The following VSIG10 variants were observed in gnomAD, a reference collection of about 807,000 sequenced individuals.
VSIG10 encodes the protein V-set and immunoglobulin domain-containing protein 10.
In VSIG10, 48 loss-of-function variants were observed where a neutral mutation model predicts 58.7. The ratio of observed to expected loss-of-function variants is 0.82; its 90% CI spans 0.65 to 1.04. The LOEUF is 1.04. Among genes scored for constraint, VSIG10 ranks in the 50% least tolerant of loss-of-function variants. The pLI is 0.00. For synonymous variants in VSIG10, 260 were observed against 267.1 expected, an observed-to-expected ratio of 0.97 and a Z score of 0.26; for missense variants, 628 against 670.0, an observed-to-expected ratio of 0.94 and a Z score of 0.69.
intron 4 of VSIG10, among the ~76,000 whole-genome samples, chr12:118,075,567 G>A (rs141642336): frequency 1.2e-3 from 186 of 152,096 alleles, no homozygotes; most frequent in African/African-American, 4.3e-3. Flanking sequence ...TGTTGGTCAG[G>A]CTGGTCTTGA....
chr12:118,070,219 G>C (rs143002507), intron 7 of VSIG10, among the ~76,000 whole-genome samples: 1 of 152,092 alleles, frequency 6.6e-6, no homozygotes, highest in South Asian at 2.1e-4. Flanking sequence ...CTTTTGGGAG[G>C]GGGTTCTGGG....
At chr12:118,081,607 A>G (rs979871233) in intron 3 of VSIG10, among the ~76,000 whole-genome samples, 4 of 152,178 alleles carry the variant, frequency 2.6e-5, no homozygotes, top group African/African-American at 9.6e-5. Flanking sequence ...ACCCCTGCAT[A>G]GCAGCAAGCT....
rs1439796142 is a variant in VSIG10, at chr12:118,065,666, C to CA, written c.*972dup. ...AGCAGATACGCAACTTTAAAGAGTA[C>CA]AAATTCAAGTCAGATTTTCATATTT... is the stretch of plus-strand genomic sequence containing the variant. On this transcript the variant is annotated 3_prime_UTR_variant, in exon 9 of 9. Transcript: ENST00000359236. 1 of 152,192 alleles carries CA rather than the reference C, an allele frequency of 6.6e-6. No homozygotes were observed. Among genetic ancestry groups the CA allele is most frequent in the East Asian group, 1.9e-4 (1 of 5,200 alleles). 9.4% of individuals were successfully genotyped at this position (152,192 alleles called of 1,614,324 possible). A position where few individuals can be genotyped will look rare whatever the true frequency, so the allele number is the denominator to read the frequency against.
At chr12:118,092,996 AT>A (rs1326154415) in intron 2 of VSIG10, among the ~76,000 whole-genome samples, 6 of 152,142 alleles carry the variant, frequency 3.9e-5, no homozygotes, top group African/African-American at 1.4e-4. Context: ...AATATAAAAA[AT>A]ATTCATAATT....
Position 118,095,558 on chromosome 12 carries a change from C to G in VSIG10, c.336G>C (p.Trp112Cys), listed in dbSNP as rs1222234467. The G allele has an allele frequency of 6.2e-7, 1 of 1,613,980 alleles. No individual in the cohort carries two copies. Among genetic ancestry groups the G allele is most frequent in the East Asian group, 2.2e-5 (1 of 44,884 alleles). The change falls in exon 2 of 9, where the codon TGG becomes TGC. Residue 112 changes from tryptophan to cysteine, a missense_variant. Transcript: ENST00000359236. ...TGGCCACCTGCAGCCACACTTGGAA[C>G]CACTGAGTCACATTCAGGATCTCCT... ...TCQEILNVTQ[W>C]FQVWLQVASG...
At chr12:118,092,312 G>A (rs369582168) in intron 2 of VSIG10, among the ~76,000 whole-genome samples, 17 of 151,598 alleles carry the variant, frequency 1.1e-4, no homozygotes, top group African/African-American at 2.2e-4. Flanking sequence ...CAATCATCCC[G>A]TCTCAGCCTC....
intron 2 of VSIG10, among the ~76,000 whole-genome samples, chr12:118,086,129 G>A (rs915179718): frequency 2.7e-5 from 4 of 150,288 alleles, no homozygotes; most frequent in Middle Eastern, 3.5e-3. Flanking sequence ...CTGCACTCCA[G>A]CCTGGGCAAC....
At position 118,095,587 on chromosome 12, in the gene VSIG10, A is replaced by G. The variant is rs2033425441; in HGVS notation, c.307T>C (p.Cys103Arg). ...TGAGTCACATTCAGGATCTCCTGGC[A>G]GGTGTAGATTCCCTCATCTCCCAGG... ...LSLGDEGIYT[C>R]QEILNVTQWF... Residue 103 changes from cysteine to arginine, a missense_variant, in exon 2 of 9, where the codon TGC (cysteine) becomes CGC (arginine). Cys to Arg is a radical substitution (Grantham distance 180). Coordinates refer to ENST00000359236, the MANE Select transcript of VSIG10 (RefSeq NM_019086.6). The G allele has an allele frequency of 1.9e-6, 3 of 1,613,954 alleles. No individual in the cohort carries two copies. Among genetic ancestry groups the G allele is most frequent in the Non-Finnish European group, 2.5e-6 (3 of 1,179,890 alleles).
At chr12:118,071,278 G>T in intron 6 of VSIG10, 81 bp downstream of exon 6, 1 of 1,409,456 alleles carries the variant, frequency 7.1e-7, no homozygotes, top group Non-Finnish European at 9.9e-7. Context: ...TCAGGTGGGA[G>T]CAAGGCAGGG....
chr12:118,084,233 C>G (rs923017746), intron 2 of VSIG10, among the ~76,000 whole-genome samples: 2 of 152,190 alleles, frequency 1.3e-5, no homozygotes, highest in African/African-American at 4.8e-5. Flanking sequence ...TCACTTCTTT[C>G]CTTACCCACC....
chr12:118,066,700 T>C lies in VSIG10; in HGVS notation c.1568-6A>G, dbSNP rs1238319950. The stretch of plus-strand genomic sequence containing the variant: ...TTGCTCCTCACTGCTGTCATCTGTA[T>C]GGGGGGAAATAAACCCAATGCTTTG... On this transcript the variant is annotated splice_polypyrimidine_tract_variant and splice_region_variant and intron_variant, in intron 8 of 8. Transcript: ENST00000359236. 6 of 1,596,040 alleles carry C rather than the reference T, an allele frequency of 3.8e-6. No individual in the cohort carries two copies. The highest frequency in any genetic ancestry group is 1.3e-5 in the African/African-American group (1 of 74,310).
intron 2 of VSIG10, among the ~76,000 whole-genome samples, chr12:118,092,629 T>C (rs1054115687): frequency 1.4e-5 from 1 of 73,796 alleles, no homozygotes; most frequent in African/African-American, 4.7e-5. Context: ...TTCATATGAT[T>C]TTCTTTTTCT....
At position 118,064,621 on chromosome 12, in the gene VSIG10, C is replaced by G. The variant is rs530989607; in HGVS notation, c.*2018G>C. 3 of 152,068 alleles carry G rather than the reference C, an allele frequency of 2.0e-5. No individual in the cohort carries two copies. In the South Asian group the frequency reaches 6.2e-4, roughly 32 times the overall value. 9.4% of individuals were successfully genotyped at this position (152,068 alleles called of 1,614,324 possible). A position where few individuals can be genotyped will look rare whatever the true frequency, so the allele number is the denominator to read the frequency against. ...CATTCTAAAATGACACTGATTTACA[C>G]TGTTGAGAATGGTTAAGTACGTGGG... is the stretch of plus-strand genomic sequence containing the variant. On this transcript the variant is annotated 3_prime_UTR_variant, in exon 9 of 9. Coordinates refer to ENST00000359236, the MANE Select transcript of VSIG10 (RefSeq NM_019086.6).
At chr12:118,074,084 T>G (rs2032615268) in intron 4 of VSIG10, 92 bp from the exon 5 acceptor site, 1 of 1,395,480 alleles carries the variant, frequency 7.2e-7, no homozygotes, top group Admixed American at 2.7e-5. Flanking sequence ...TTTTTTGTTT[T>G]GTTTTGTTTT....
At chr12:118,092,616 C>A (rs1305809149) in intron 2 of VSIG10, among the ~76,000 whole-genome samples, 1 of 149,900 alleles carries the variant, frequency 6.7e-6, no homozygotes, top group Non-Finnish European at 1.5e-5. Flanking sequence ...ATTTCAATTT[C>A]ATTTCATATG....
intron 7 of VSIG10, among the ~76,000 whole-genome samples, chr12:118,070,421 A>C (rs912498603): frequency 2.6e-5 from 4 of 151,806 alleles, no homozygotes; most frequent in Admixed American, 2.6e-4. Flanking sequence ...GATGGTGCGC[A>C]CCTGTAATCC....
intron 3 of VSIG10, among the ~76,000 whole-genome samples, chr12:118,080,446 C>A (rs567529033): frequency 6.6e-6 from 1 of 152,028 alleles, no homozygotes; most frequent in Non-Finnish European, 1.5e-5. Context: ...AGACGTGAGC[C>A]ACCGCGCTCA....
At chr12:118,095,877 G>T (rs2033436197) in intron 1 of VSIG10, 63 bp from the exon 2 acceptor site, 2 of 1,509,982 alleles carry the variant, frequency 1.3e-6, no homozygotes. Flanking sequence ...TCCCTTTTTG[G>T]ACAGTACTCC....
rs1276496605 is a variant in VSIG10, at chr12:118,074,005, A to G, written c.926-13T>C. 1 of 1,529,986 alleles carries G rather than the reference A, an allele frequency of 6.5e-7. No homozygotes were observed. Among genetic ancestry groups the G allele is most frequent in the Non-Finnish European group, 8.8e-7 (1 of 1,139,450 alleles). 94.8% of individuals were successfully genotyped at this position (1,529,986 alleles called of 1,614,324 possible). A position where few individuals can be genotyped will look rare whatever the true frequency, so the allele number is the denominator to read the frequency against. On this transcript the variant is annotated splice_polypyrimidine_tract_variant and intron_variant, in intron 4 of 8. Coordinates refer to ENST00000359236, the MANE Select transcript of VSIG10 (RefSeq NM_019086.6). ...AGGGAGGGACCCCCTGGTGATCAGA[A>G]GGTAAACAAAGACAAATGTTTAAAG...
Sources: allele counts gnomAD v4.1 joint callset (sites outside exome capture counted in the v4.1 genomes callset), GRCh38; gene constraint gnomAD v4.1.1; transcripts MANE v1.5; gene names NCBI Gene and HGNC (gene_info 2026-07-23, HGNC 2026-07-21).